The following CECR2 variants were observed in gnomAD, a reference collection of about 807,000 sequenced individuals.
The protein encoded by CECR2 is chromatin remodeling regulator CECR2.
Under a neutral mutation model 154.5 loss-of-function variants are expected in CECR2, and 30 were observed. That is an observed-to-expected ratio of 0.19 (90% confidence interval 0.15 to 0.26). The LOEUF (loss-of-function observed/expected upper bound fraction) is 0.26, where lower values mean the gene tolerates loss of function less well. Among genes scored for constraint, CECR2 ranks in the 10% least tolerant of loss-of-function variants. The pLI, the probability that CECR2 is intolerant of heterozygous loss-of-function variation, is 1.00. For missense variants in CECR2, 1,743 were observed against 1,829.3 expected (o/e 0.95, Z 0.86); for synonymous variants, 725 against 683.7 (o/e 1.06, Z -0.94).
intron 1 of CECR2, among the ~76,000 whole-genome samples, chr22:17,421,423 G>A (rs995743115): frequency 2.6e-5 from 4 of 151,984 alleles, no homozygotes; most frequent in Non-Finnish European, 4.4e-5. Context: ...AGACCATCCC[G>A]GCTAAAATGG....
chr22:17,544,717 G>A (rs1226355377), intron 16 of CECR2, among the ~76,000 whole-genome samples: 1 of 147,892 alleles, frequency 6.8e-6, no homozygotes, highest in Non-Finnish European at 1.5e-5. Flanking sequence ...AGCTGAGGCG[G>A]GAGAATCACT....
At chr22:17,546,080 G>A (rs1425432081) in intron 16 of CECR2, among the ~76,000 whole-genome samples, 1 of 151,786 alleles carries the variant, frequency 6.6e-6, no homozygotes, top group Non-Finnish European at 1.5e-5. Context: ...AAATGGTTAG[G>A]GGAAAAAAAC....
chr22:17,480,082 T>C (rs1044916769), intron 2 of CECR2, among the ~76,000 whole-genome samples: 2 of 152,148 alleles, frequency 1.3e-5, no homozygotes, highest in African/African-American at 2.4e-5. Context: ...TATTAAATAA[T>C]AGAATACCGT....
upstream of CECR2, among the ~76,000 whole-genome samples, chr22:17,368,179 G>A (rs1441756846): frequency 6.6e-6 from 1 of 152,196 alleles, no homozygotes; most frequent in Admixed American, 6.5e-5. Flanking sequence ...ATAATAAAGT[G>A]AGGGAGAGTG....
intron 1 of CECR2, among the ~76,000 whole-genome samples, chr22:17,400,257 A>T (rs1455959172): frequency 1.3e-5 from 2 of 152,204 alleles, no homozygotes; most frequent in Non-Finnish European, 2.9e-5. Flanking sequence ...GATTACCCTC[A>T]ACTGTTATAT....
intron 1 of CECR2, among the ~76,000 whole-genome samples, chr22:17,399,989 G>T (rs2053868108): frequency 6.6e-6 from 1 of 152,042 alleles, no homozygotes; most frequent in South Asian, 2.1e-4. Context: ...TTGTAATTCT[G>T]CAGTTAGCAT....
intron 2 of CECR2, among the ~76,000 whole-genome samples, chr22:17,487,848 C>T (rs2055450490): frequency 6.6e-6 from 1 of 151,774 alleles, no homozygotes. Flanking sequence ...AATTCATCAA[C>T]ATTGTATATT....
At chr22:17,537,924 G>A (rs2056461916) in intron 10 of CECR2, among the ~76,000 whole-genome samples, 1 of 152,108 alleles carries the variant, frequency 6.6e-6, no homozygotes, top group East Asian at 1.9e-4. Context: ...AACTCAGGAG[G>A]TGGGGGTTGC....
In CECR2 at chr22:17,549,326, C is replaced by T; in HGVS notation, c.4039C>T (p.Pro1347Ser). 1 of 1,614,002 alleles carries T rather than the reference C, an allele frequency of 6.2e-7. No individual in the cohort carries two copies. The highest frequency in any genetic ancestry group is 8.5e-7 in the Non-Finnish European group (1 of 1,179,896). ...PPHSVMLQTG[P>S]PYTPQRPASH... ...CCACAGTGTGATGCTGCAGACGGGG[C>T]CTCCCTATACCCCTCAGCGGCCGGC... Residue 1347 changes from proline to serine, a missense_variant, in exon 17 of 19, where the codon CCT becomes TCT. Transcript: ENST00000262608.
intron 1 of CECR2, among the ~76,000 whole-genome samples, chr22:17,440,492 A>C (rs1287470984): frequency 1.3e-5 from 2 of 152,282 alleles, no homozygotes; most frequent in East Asian, 3.9e-4. Context: ...GACTCTCTGT[A>C]GGTCTCACTA....
intron 1 of CECR2, among the ~76,000 whole-genome samples, chr22:17,461,764 A>G (rs1183413358): frequency 6.6e-6 from 1 of 151,374 alleles, no homozygotes; most frequent in Non-Finnish European, 1.5e-5. Context: ...AAGAAACAAC[A>G]TGAGTCAAGA....
intron 3 of CECR2, among the ~76,000 whole-genome samples, chr22:17,498,149 G>A (rs1028651638): frequency 6.6e-6 from 1 of 152,186 alleles, no homozygotes; most frequent in Non-Finnish European, 1.5e-5. Flanking sequence ...CCAGCACTTT[G>A]GGAGGCCAAG....
chr22:17,485,764 TG>T (rs1353738370), intron 2 of CECR2, among the ~76,000 whole-genome samples: 1 of 152,130 alleles, frequency 6.6e-6, no homozygotes, highest in Non-Finnish European at 1.5e-5. Context: ...AGTGAGACCC[TG>T]TCTCCAAAAA....
At chr22:17,383,113 C>A (rs1412581714) in intron 1 of CECR2, among the ~76,000 whole-genome samples, 1 of 152,088 alleles carries the variant, frequency 6.6e-6, no homozygotes, top group Non-Finnish European at 1.5e-5. Flanking sequence ...GTAATCCCAG[C>A]TGCTCAGAGG....
intron 1 of CECR2, among the ~76,000 whole-genome samples, chr22:17,362,121 CA>C (rs1432255742): frequency 1.3e-5 from 2 of 152,170 alleles, no homozygotes; most frequent in Non-Finnish European, 2.9e-5. Context: ...CAGCTCACTG[CA>C]ACCTCTGTCT....
At chr22:17,497,783 G>A (rs182698092) in intron 3 of CECR2, among the ~76,000 whole-genome samples, 197 bp downstream of exon 3, 98 of 152,260 alleles carry the variant, frequency 6.4e-4, no homozygotes, top group Non-Finnish European at 1.1e-3. Context: ...CATCCCTATG[G>A]AAGTACGTTA....
intron 8 of CECR2, among the ~76,000 whole-genome samples, chr22:17,517,289 C>T (rs542856077): frequency 2.4e-4 from 36 of 152,352 alleles, no homozygotes; most frequent in African/African-American, 8.7e-4. Flanking sequence ...CCTTTCCCCT[C>T]ACCTTCCGCC....
intron 9 of CECR2, among the ~76,000 whole-genome samples, chr22:17,530,264 C>T (rs975381216): frequency 6.6e-6 from 1 of 150,940 alleles, no homozygotes; most frequent in African/African-American, 2.4e-5. Context: ...GTCGCTCTGT[C>T]GCCCAGGCTG....
At chr22:17,425,763 A>G (rs1018971025) in intron 1 of CECR2, among the ~76,000 whole-genome samples, 13 of 152,322 alleles carry the variant, frequency 8.5e-5, no homozygotes, top group South Asian at 8.3e-4. Context: ...GATAAACCAG[A>G]TAGGAGGTTA....
Sources: gnomAD v4.1 joint callset for allele counts (sites outside exome capture counted in the v4.1 genomes callset) on GRCh38, gnomAD v4.1.1 for gene constraint, MANE v1.5 for transcripts, NCBI Gene and HGNC (gene_info 2026-07-23, HGNC 2026-07-21) for gene names.